PPARGC1A: variants seen among roughly 807,000 people sequenced by gnomAD.
PPARGC1A encodes peroxisome proliferator-activated receptor gamma coactivator 1-alpha.
PPARGC1A carries 25 observed loss-of-function variants against 88.7 expected under a neutral mutation model. The ratio of observed to expected loss-of-function variants is 0.28; its 90% CI spans 0.21 to 0.39. The LOEUF is 0.39. PPARGC1A is among the 10% of genes least tolerant of loss of function. The pLI is 1.00. For missense variants in PPARGC1A, 880 were observed against 968.7 expected (o/e 0.91, Z 1.22); for synonymous variants, 363 against 355.6 (o/e 1.02, Z -0.24).
intron 1 of PPARGC1A, among the ~76,000 whole-genome samples, chr4:23,898,964 T>C (rs1044190756): frequency 6.6e-6 from 1 of 151,700 alleles, no homozygotes; most frequent in Non-Finnish European, 1.5e-5. Context: ...GCCTCCTGAG[T>C]AGCTGGGATT....
the PPARGC1A span, among the ~76,000 whole-genome samples, chr4:24,329,426 G>A: frequency 1.3e-5 from 2 of 151,988 alleles, no homozygotes; most frequent in Non-Finnish European, 2.9e-5. Context: ...TCCGGCTCCT[G>A]CCACTGGCCC....
At chr4:24,471,507 CCT>C in the PPARGC1A span, among the ~76,000 whole-genome samples, 1 of 152,084 alleles carries the variant, frequency 6.6e-6, no homozygotes, top group Admixed American at 6.5e-5. This position sits in a 1 kb window ranked among gnomAD's most constrained non-coding sequence, Gnocchi z 5.4. Context: ...AGGCATTTTT[CCT>C]CTCTCTATTT....
At chr4:23,913,246 A>ATATATATATATATATATATTATATATTT in the PPARGC1A span, among the ~76,000 whole-genome samples, 3 of 39,868 alleles carry the variant, frequency 7.5e-5, no homozygotes, top group African/African-American at 2.6e-4. Flanking sequence ...TATATTTTAT[A>ATATATATATATATATATATTATATATTT]TATATATATA....
chr4:24,135,310 G>A, the PPARGC1A span, among the ~76,000 whole-genome samples: 2 of 152,018 alleles, frequency 1.3e-5, no homozygotes, highest in African/African-American at 4.8e-5. Flanking sequence ...CCAAGATTTT[G>A]TTTACCTGAA....
the PPARGC1A span, among the ~76,000 whole-genome samples, chr4:24,387,822 A>G: frequency 9.5e-4 from 65 of 68,194 alleles, 2 homozygotes; most frequent in Middle Eastern, 8.3e-3. Context: ...GAAAGAAAGA[A>G]AGAGAGAAAG....
chr4:23,898,514 G>A (rs1337741391), intron 1 of PPARGC1A, among the ~76,000 whole-genome samples: 1 of 152,184 alleles, frequency 6.6e-6, no homozygotes, highest in East Asian at 1.9e-4. Flanking sequence ...CCTCAGTCAG[G>A]ACAATGCCTT....
chr4:24,001,205 AC>A, the PPARGC1A span, among the ~76,000 whole-genome samples: 1 of 152,228 alleles, frequency 6.6e-6, no homozygotes, highest in Non-Finnish European at 1.5e-5. Context: ...GATAAATGTG[AC>A]TTGCAAAAAC....
chr4:23,836,976 C>T (rs747086921), intron 2 of PPARGC1A, among the ~76,000 whole-genome samples: 8 of 152,132 alleles, frequency 5.3e-5, no homozygotes, highest in African/African-American at 1.9e-4. Flanking sequence ...CTTCTAAATG[C>T]GAGCTATTAT....
At chr4:24,417,786 A>G in the PPARGC1A span, among the ~76,000 whole-genome samples, 2 of 152,172 alleles carry the variant, frequency 1.3e-5, no homozygotes, top group African/African-American at 2.4e-5. Context: ...TATAACATAT[A>G]TGTATAGAAA....
chr4:24,085,117 A>G, the PPARGC1A span, among the ~76,000 whole-genome samples: 2 of 152,196 alleles, frequency 1.3e-5, no homozygotes, highest in Non-Finnish European at 2.9e-5. Context: ...CACTTTAAAC[A>G]TAAAGAAACA....
At chr4:24,200,115 AAAT>A in the PPARGC1A span, among the ~76,000 whole-genome samples, 6 of 152,194 alleles carry the variant, frequency 3.9e-5, no homozygotes, top group Non-Finnish European at 7.3e-5. Context: ...AAATATAGAT[AAAT>A]AATAAATAAT....
chr4:23,881,695 T>G (rs1715972598), intron 2 of PPARGC1A: 1 of 152,310 alleles, frequency 6.6e-6, no homozygotes, highest in East Asian at 1.9e-4. Flanking sequence ...ACTCAGTGCC[T>G]GATTTTATTC....
chr4:24,057,076 G>C, the PPARGC1A span, among the ~76,000 whole-genome samples: 18 of 152,192 alleles, frequency 1.2e-4, no homozygotes, highest in Non-Finnish European at 2.6e-4. Flanking sequence ...TTGATGAATG[G>C]AAAAGCAAAA....
the PPARGC1A span, among the ~76,000 whole-genome samples, chr4:24,406,896 C>A: frequency 2.0e-5 from 3 of 152,216 alleles, no homozygotes; most frequent in African/African-American, 7.2e-5. Context: ...CAAACATGTT[C>A]CCTGGAGAAA....
chr4:24,139,156 CAG>C, the PPARGC1A span, among the ~76,000 whole-genome samples: 3 of 149,922 alleles, frequency 2.0e-5, no homozygotes, highest in Non-Finnish European at 4.4e-5. Context: ...TTTTTTGAGA[CAG>C]AGTCTCACTC....
the PPARGC1A span, among the ~76,000 whole-genome samples, chr4:24,052,091 T>C: frequency 6.6e-6 from 1 of 152,104 alleles, no homozygotes; most frequent in African/African-American, 2.4e-5. Context: ...ATTGGACGTA[T>C]TTGGAGAGTA....
At chr4:23,863,905 C>G (rs1731695009) in intron 2 of PPARGC1A, among the ~76,000 whole-genome samples, 1 of 152,120 alleles carries the variant, frequency 6.6e-6, no homozygotes. Flanking sequence ...TGCCATCACG[C>G]CTGGCTAATT....
At chr4:24,285,034 G>A in the PPARGC1A span, among the ~76,000 whole-genome samples, 1 of 150,574 alleles carries the variant, frequency 6.6e-6, no homozygotes, top group Non-Finnish European at 1.5e-5. Flanking sequence ...TCAAAAAAAA[G>A]TAAAAAAGAA....
chr4:24,202,562 A>C, the PPARGC1A span, among the ~76,000 whole-genome samples: 1 of 152,220 alleles, frequency 6.6e-6, no homozygotes, highest in Non-Finnish European at 1.5e-5. Context: ...ACATTAATAA[A>C]TACTAAATGA....
Sources: gnomAD v4.1 joint callset for allele counts (sites outside exome capture counted in the v4.1 genomes callset) on GRCh38, gnomAD v4.1.1 for gene constraint, Gnocchi (gnomAD v3.1) non-coding constraint, MANE v1.5 for transcripts, NCBI Gene and HGNC (gene_info 2026-07-23, HGNC 2026-07-21) for gene names.